The following TNKS variants were observed in gnomAD, a reference collection of about 807,000 sequenced individuals.
TNKS encodes poly [ADP-ribose] polymerase tankyrase-1.
In TNKS, 72 loss-of-function variants were observed where a neutral mutation model predicts 135.8. The ratio of observed to expected loss-of-function variants is 0.53; its 90% CI spans 0.44 to 0.64. The LOEUF (loss-of-function observed/expected upper bound fraction) is 0.64, where lower values mean the gene tolerates loss of function less well. Ranked by LOEUF, TNKS falls within the 30% of genes least tolerant of loss-of-function variation. The pLI, the probability that TNKS is intolerant of heterozygous loss-of-function variation, is 0.00. For synonymous variants in TNKS, 849 were observed against 649.3 expected (o/e 1.31, Z -4.68); for missense variants, 1,769 against 1,674.0 (o/e 1.06, Z -0.99).
At chr8:9,772,838 T>G (rs867754329) in intron 26 of TNKS, among the ~76,000 whole-genome samples, 217 of 133,250 alleles carry the variant, frequency 1.6e-3, no homozygotes, top group South Asian at 6.4e-3. Flanking sequence ...TGTCTGTGTG[T>G]GTGTGTGTGT....
chr8:9,563,798 TATTA>T, intron 1 of TNKS, among the ~76,000 whole-genome samples: 1 of 152,322 alleles, frequency 6.6e-6, no homozygotes, highest in East Asian at 1.9e-4. Context: ...TTCTGTTAGG[TATTA>T]ATTGTCTGCG....
intron 18 of TNKS, among the ~76,000 whole-genome samples, chr8:9,749,468 T>G (rs1806405323): frequency 6.7e-6 from 1 of 148,898 alleles, no homozygotes; most frequent in African/African-American, 2.4e-5. Context: ...TTTTTTTTCT[T>G]TTCTTTTTTT....
chr8:9,662,736 A>G (rs1020374027), intron 3 of TNKS, among the ~76,000 whole-genome samples: 1 of 152,222 alleles, frequency 6.6e-6, no homozygotes, highest in South Asian at 2.1e-4. Flanking sequence ...CCTAAAACCT[A>G]AAGTATAATA....
intron 5 of TNKS, among the ~76,000 whole-genome samples, chr8:9,695,701 G>T (rs988138428): frequency 6.6e-6 from 1 of 152,180 alleles, no homozygotes; most frequent in Non-Finnish European, 1.5e-5. Context: ...CCACTAGCCA[G>T]CTGAGAGAGG....
At chr8:9,656,380 A>G (rs1253950895) in intron 3 of TNKS, among the ~76,000 whole-genome samples, 1 of 152,158 alleles carries the variant, frequency 6.6e-6, no homozygotes, top group Non-Finnish European at 1.5e-5. Context: ...AATTCAGGAA[A>G]TACAGAGAAC....
At chr8:9,560,446 A>C (rs1463637019) in intron 1 of TNKS, among the ~76,000 whole-genome samples, 1 of 139,388 alleles carries the variant, frequency 7.2e-6, no homozygotes, top group African/African-American at 2.8e-5. Context: ...AGATTTTTCA[A>C]CTCATTCCTG....
In TNKS at chr8:9,680,714, C is replaced by T. The variant is rs774622505; in HGVS notation, c.1032-11C>T. The stretch of plus-strand genomic sequence containing the variant: ...TAATTTTAGAGGAATTGACTTACTA[C>T]CTTTTTATAGGAGTGGTAATGAAGA... On this transcript the variant is annotated splice_polypyrimidine_tract_variant and intron_variant, in intron 4 of 26. Transcript: ENST00000310430. 2.1e-5 allele frequency: 33 copies of T among 1,590,832 alleles called. No homozygotes were observed. The Middle Eastern group carries it at 5.0e-4, about 24-fold the overall frequency.
rs143055064 is a variant in TNKS, at chr8:9,619,377, G to C, written c.994+3700G>C. On this transcript the variant is annotated intron_variant, in intron 3 of 26. Coordinates refer to ENST00000310430, the MANE Select transcript of TNKS (RefSeq NM_003747.3). Reference sequence around the variant, plus strand: ...AGGATAGAGGGAGCAGTGGAAAATTGAATCAAAGAAAGAGGTAAGAGCAGA... The same window carrying C: ...AGGATAGAGGGAGCAGTGGAAAATTCAATCAAAGAAAGAGGTAAGAGCAGA... Among the ~76,000 whole-genome samples, 485 of 152,274 alleles carry C rather than the reference G, an allele frequency of 3.2e-3. 3 individuals are homozygous for C. Among genetic ancestry groups the C allele is most frequent in the Admixed American group, 6.2e-3 (95 of 15,296 alleles).
intron 2 of TNKS, among the ~76,000 whole-genome samples, chr8:9,614,694 A>T (rs1278627481): frequency 6.6e-6 from 1 of 152,178 alleles, no homozygotes; most frequent in African/African-American, 2.4e-5. Flanking sequence ...TACTGGAACA[A>T]CTTTTTAATA....
At chr8:9,612,668 T>C (rs1213197643) in intron 2 of TNKS, among the ~76,000 whole-genome samples, 1 of 152,192 alleles carries the variant, frequency 6.6e-6, no homozygotes, top group African/African-American at 2.4e-5. Context: ...CATTTAAATA[T>C]TATCTGTGGC....
In TNKS at chr8:9,748,218, T is replaced by C; in HGVS notation, c.2832+6T>C. 4 of 1,520,644 alleles carry C rather than the reference T, an allele frequency of 2.6e-6. No individual in the cohort carries two copies. The highest frequency in any genetic ancestry group is 3.5e-6 in the Non-Finnish European group (4 of 1,130,888). The allele number at this position is 1,520,644 out of a possible 1,614,324, so 94.2% of individuals were successfully genotyped here. On this transcript the variant is annotated splice_donor_region_variant and intron_variant, in intron 18 of 26. Coordinates refer to ENST00000310430, the MANE Select transcript of TNKS (RefSeq NM_003747.3). ...CGCCTCTGGATCTGGCAACAGTAAG[T>C]CCTCATTTCAGATACTGATTATTGT...
At chr8:9,727,023 A>C (rs1204251015) in intron 13 of TNKS, among the ~76,000 whole-genome samples, 3 of 152,194 alleles carry the variant, frequency 2.0e-5, no homozygotes, top group African/African-American at 7.2e-5. Flanking sequence ...AGCTCTTTTA[A>C]TTTCACTTAT....
intron 1 of TNKS, among the ~76,000 whole-genome samples, chr8:9,577,016 G>T (rs1192076785): frequency 6.6e-6 from 1 of 152,062 alleles, no homozygotes; most frequent in African/African-American, 2.4e-5. Context: ...AGCAAAGAGG[G>T]GACTAGGATT....
rs777649079 is a variant in TNKS, at chr8:9,772,418, C to T, written c.3897+2156C>T. On this transcript the variant is annotated intron_variant, in intron 26 of 26. Coordinates refer to ENST00000310430, the MANE Select transcript of TNKS (RefSeq NM_003747.3). ...CTCTGCAGCATTCCAGCCAAAAATACATGATGTAAGTCTAATCAAAATGAG... is the reference window on the plus strand; with the variant it reads ...CTCTGCAGCATTCCAGCCAAAAATATATGATGTAAGTCTAATCAAAATGAG... 3.2e-4 allele frequency: 146 copies of T among 455,392 alleles called. 1 individual carries two copies. Among genetic ancestry groups the T allele is most frequent in the Non-Finnish European group, 8.8e-5 (20 of 226,540 alleles). 28.2% of individuals were successfully genotyped at this position (455,392 alleles called of 1,614,324 possible). A position where few individuals can be genotyped will look rare whatever the true frequency, so the allele number is the denominator to read the frequency against.
chr8:9,724,310 G>T (rs781457477), intron 12 of TNKS, among the ~76,000 whole-genome samples: 1 of 152,022 alleles, frequency 6.6e-6, no homozygotes, highest in African/African-American at 2.4e-5. Flanking sequence ...AAAATTAGCC[G>T]GGTATGGTGG....
chr8:9,746,323 A>G (rs1806233471), intron 17 of TNKS, among the ~76,000 whole-genome samples: 1 of 152,198 alleles, frequency 6.6e-6, no homozygotes, highest in African/African-American at 2.4e-5. Context: ...TTGAATCAGT[A>G]GTGCCTATTG....
At chr8:9,668,663 G>C (rs1474379835) in intron 3 of TNKS, among the ~76,000 whole-genome samples, 3 of 152,184 alleles carry the variant, frequency 2.0e-5, no homozygotes, top group Non-Finnish European at 2.9e-5. Context: ...AGGAAGTTAT[G>C]TGTAAGTTTG....
intron 2 of TNKS, among the ~76,000 whole-genome samples, chr8:9,606,799 T>C (rs62493913): frequency 0.19 from 29,574 of 152,008 alleles, 3,111 homozygotes; most frequent in East Asian, 0.29. Context: ...GTTTATTATC[T>C]TCCTCTGAAG....
intron 2 of TNKS, among the ~76,000 whole-genome samples, chr8:9,605,096 C>G (rs1305600431): frequency 6.6e-6 from 1 of 151,806 alleles, no homozygotes; most frequent in Non-Finnish European, 1.5e-5. Context: ...ATGTGTATAC[C>G]CATATAACTA....
Sources: gnomAD v4.1 joint callset for allele counts (sites outside exome capture counted in the v4.1 genomes callset) on GRCh38, gnomAD v4.1.1 for gene constraint, MANE v1.5 for transcripts, NCBI Gene and HGNC (gene_info 2026-07-23, HGNC 2026-07-21) for gene names.